The following DSCAML1 variants were observed in gnomAD, a reference collection of about 807,000 sequenced individuals.
DSCAML1 encodes the protein DS cell adhesion molecule like 1, also known as cell adhesion molecule DSCAML1.
DSCAML1 carries 38 observed loss-of-function variants against 200.5 expected under a neutral mutation model. The observed-to-expected ratio is 0.19, with a 90% CI of 0.15 to 0.25. The LOEUF (loss-of-function observed/expected upper bound fraction) is 0.25. Among genes scored for constraint, DSCAML1 ranks in the 10% least tolerant of loss-of-function variants. The probability of loss-of-function intolerance (pLI) is 1.00; values close to 1 mark genes in which losing one functional copy is unlikely to be tolerated. For missense variants in DSCAML1, 2,223 were observed against 2,858.8 expected (o/e 0.78, Z 5.07); for synonymous variants, 1,215 against 1,165.0 (o/e 1.04, Z -0.87).
rs143044791 is a variant in DSCAML1 at position 117,430,120 on chromosome 11, C to A, written c.5686+602G>T. On this transcript the variant is annotated intron_variant, in intron 32 of 32. Coordinates refer to ENST00000651296, the MANE Select transcript of DSCAML1 (RefSeq NM_020693.4). Reference sequence around the variant, plus strand: ...CCCAGCATCTGCTGATAGACTCCCCCTGCTGATCCTAGCCCTGCCCTGCCA... The same window carrying A: ...CCCAGCATCTGCTGATAGACTCCCCATGCTGATCCTAGCCCTGCCCTGCCA... 2.4e-3 allele frequency among the ~76,000 whole-genome samples: 372 copies of A among 152,360 alleles called. 3 individuals are homozygous for A. The highest frequency in any genetic ancestry group is 2.7e-3 in the Non-Finnish European group (184 of 68,038).
chr11:117,591,892 G>A (rs2051266334), intron 3 of DSCAML1, among the ~76,000 whole-genome samples: 1 of 152,200 alleles, frequency 6.6e-6, no homozygotes, highest in African/African-American at 2.4e-5. Context: ...CTACAGGCAT[G>A]TGGGGTTCTG....
chr11:117,428,755 C>G lies in DSCAML1; in HGVS notation c.5735G>C (p.Arg1912Pro), dbSNP rs765741362. 6.2e-7 allele frequency: 1 copy of G among 1,611,794 alleles called. No individual in the cohort carries two copies. Among genetic ancestry groups the G allele is most frequent in the African/African-American group, 1.3e-5 (1 of 74,880 alleles). ...PLYAKSEAFF[R>P]KADGREPCPV... is the part of the protein sequence containing the mutation. ...GCAGGGCTCACGTCCATCTGCCTTT[C>G]GAAAGAAGGCCTCTGACTTGGCATA... Residue 1912 changes from arginine to proline, a missense_variant, in exon 33 of 33, where the codon CGA becomes CCA. Around this residue, in one of 7 missense-constraint regions of DSCAML1, gnomAD observed 280 missense variants for 213.4 expected, o/e 1.31. Transcript: ENST00000651296.
At chr11:117,644,197 C>T (rs1156334974) in intron 3 of DSCAML1, among the ~76,000 whole-genome samples, 1 of 152,260 alleles carries the variant, frequency 6.6e-6, no homozygotes, top group Non-Finnish European at 1.5e-5. Context: ...TCACAGCCAC[C>T]CCCACCAAGT....
rs1282452983 is a variant in DSCAML1 at position 117,552,060 on chromosome 11, C to A, written c.512-19538G>T. 3.3e-5 allele frequency among the ~76,000 whole-genome samples: 4 copies of A among 123,040 alleles called. No homozygotes were observed. In the East Asian group the frequency reaches 9.0e-4, roughly 28 times the overall value. 80.7% of individuals were successfully genotyped at this position (123,040 alleles called of 152,430 possible). ...GGGACAGAGTGTGATGGGGTGGGGGCAGCTGCGGGGAAGGGAGAGAGGCGA... is the reference window on the plus strand; with the variant it reads ...GGGACAGAGTGTGATGGGGTGGGGGAAGCTGCGGGGAAGGGAGAGAGGCGA... On this transcript the variant is annotated intron_variant, in intron 3 of 32. Coordinates refer to ENST00000651296, the MANE Select transcript of DSCAML1 (RefSeq NM_020693.4).
chr11:117,533,587 A>G (rs1423929967), intron 3 of DSCAML1, among the ~76,000 whole-genome samples: 1 of 152,194 alleles, frequency 6.6e-6, no homozygotes, highest in Non-Finnish European at 1.5e-5. Flanking sequence ...ACGGTGCTCT[A>G]TGTCTCCTGC....
intron 3 of DSCAML1, among the ~76,000 whole-genome samples, chr11:117,687,658 A>T (rs531854277): frequency 1.3e-5 from 2 of 152,272 alleles, no homozygotes; most frequent in East Asian, 3.9e-4. Context: ...TGTATGGCAC[A>T]CTGAACACTC....
At chr11:117,460,174 A>C (rs2048450762) in intron 18 of DSCAML1, among the ~76,000 whole-genome samples, 1 of 152,248 alleles carries the variant, frequency 6.6e-6, no homozygotes, top group South Asian at 2.1e-4. Context: ...ACCACCCTTT[A>C]CTTGGTTCCA....
At chr11:117,470,457 C>T (rs1592628068) in intron 15 of DSCAML1, among the ~76,000 whole-genome samples, 1 of 152,180 alleles carries the variant, frequency 6.6e-6, no homozygotes. Context: ...CGCCTGTAGT[C>T]CCAGCTGCTC....
chr11:117,725,361 G>A (rs943840555), intron 3 of DSCAML1, among the ~76,000 whole-genome samples: 3 of 152,152 alleles, frequency 2.0e-5, no homozygotes, highest in African/African-American at 7.2e-5. Context: ...CCCTTATCCA[G>A]AGTGACTCCA....
intron 3 of DSCAML1, among the ~76,000 whole-genome samples, chr11:117,542,669 G>T (rs930035949): frequency 2.6e-5 from 4 of 152,268 alleles, no homozygotes; most frequent in Admixed American, 2.6e-4. Flanking sequence ...GCATGAATCA[G>T]TGGGCACCCA....
intron 3 of DSCAML1, among the ~76,000 whole-genome samples, chr11:117,544,485 C>A (rs1339265316): frequency 6.6e-6 from 1 of 152,144 alleles, no homozygotes; most frequent in African/African-American, 2.4e-5. Flanking sequence ...GGCACCAGGG[C>A]AGCCTGCGGG....
rs776620051 is a variant in DSCAML1 at position 117,469,860 on chromosome 11, A to G, written c.3024+50T>C. ...TGGGAGCTTTCGTCCTGGATTGAGG[A>G]GAGAGGAGGCAAGCAGACATTCCAG... On this transcript the variant is annotated intron_variant, in intron 16 of 32. Transcript: ENST00000651296. This position sits in a 1 kb window ranked among gnomAD's most constrained non-coding sequence, Gnocchi z 4.1. 38 of 1,530,662 alleles carry G rather than the reference A, an allele frequency of 2.5e-5. No homozygotes were observed. The highest frequency in any genetic ancestry group is 1.7e-4 in the Middle Eastern group (1 of 5,768). The allele number at this position is 1,530,662 out of a possible 1,614,324, so 94.8% of individuals were successfully genotyped here.
At chr11:117,542,526 C>A (rs549491028) in intron 3 of DSCAML1, among the ~76,000 whole-genome samples, 12 of 152,298 alleles carry the variant, frequency 7.9e-5, no homozygotes, top group Non-Finnish European at 1.5e-4. Flanking sequence ...TGTCCAGGCA[C>A]CAGCAGCTAT....
chr11:117,757,311 C>A (rs1219178684), intron 3 of DSCAML1, among the ~76,000 whole-genome samples: 2 of 152,134 alleles, frequency 1.3e-5, no homozygotes, highest in African/African-American at 4.8e-5. Flanking sequence ...ATCTCACTAT[C>A]TAGAAATAAT....
At chr11:117,815,241 T>C (rs556822616) in intron 1 of DSCAML1, among the ~76,000 whole-genome samples, 1 of 152,282 alleles carries the variant, frequency 6.6e-6, no homozygotes, top group African/African-American at 2.4e-5. Flanking sequence ...GCTCTCCCCT[T>C]ACCCCTTCCC....
chr11:117,767,904 C>T (rs545184793), intron 3 of DSCAML1, among the ~76,000 whole-genome samples: 13 of 152,262 alleles, frequency 8.5e-5, no homozygotes, highest in Admixed American at 8.5e-4. Flanking sequence ...AGATGACATG[C>T]AGGTGCCTGC....
chr11:117,572,512 G>A (rs949981588), intron 3 of DSCAML1, among the ~76,000 whole-genome samples: 9 of 152,242 alleles, frequency 5.9e-5, no homozygotes, highest in South Asian at 2.1e-4. Context: ...TTCTTCTGCC[G>A]TAGGGACTCC....
chr11:117,765,172 G>A (rs2054872927), intron 3 of DSCAML1, among the ~76,000 whole-genome samples: 1 of 152,148 alleles, frequency 6.6e-6, no homozygotes, highest in African/African-American at 2.4e-5. Context: ...CCAGGCCCAG[G>A]GCCCCTCCTG....
chr11:117,598,984 T>G (rs544174443), intron 3 of DSCAML1, among the ~76,000 whole-genome samples: 1 of 152,334 alleles, frequency 6.6e-6, no homozygotes, highest in South Asian at 2.1e-4. Flanking sequence ...CAGTGACATT[T>G]AATAACACTA....
Sources: allele counts gnomAD v4.1 joint callset (sites outside exome capture counted in the v4.1 genomes callset), GRCh38; gene constraint gnomAD v4.1.1; regional missense constraint gnomAD v4.1.1; non-coding constraint Gnocchi (gnomAD v3.1); transcripts MANE v1.5; gene names NCBI Gene and HGNC (gene_info 2026-07-23, HGNC 2026-07-21).